PMP22: variants seen among roughly 807,000 people sequenced by gnomAD.
PMP22 encodes peripheral myelin protein 22, also known as Charcot-Marie-Tooth neuropathy 1A (greatly reduced nerve conduction velocity, hereditary motor sensory neuropathy Ia).
In PMP22, 2 loss-of-function variants were observed where a neutral mutation model predicts 18.9. The ratio of observed to expected loss-of-function variants is 0.11; its 90% confidence interval spans 0.04 to 0.33. The LOEUF (loss-of-function observed/expected upper bound fraction) is 0.33, where lower values mean the gene tolerates loss of function less well. Among genes scored for constraint, PMP22 ranks in the 10% least tolerant of loss-of-function variants. The probability of loss-of-function intolerance (pLI) is 1.00; values close to 1 mark genes in which losing one functional copy is unlikely to be tolerated. For missense variants in PMP22, 169 were observed against 202.2 expected (o/e 0.84, Z 1.00); for synonymous variants, 95 against 89.2 (o/e 1.07, Z -0.37).
chr17:15,259,246 G>A, intron 2 of PMP22, 53 bp from the exon 3 acceptor site: 2 of 1,425,562 alleles, frequency 1.4e-6, no homozygotes, highest in South Asian at 2.3e-5. Context: ...AGGAGTGAAG[G>A]AAAAGGGGAA....
intron 1 of PMP22, 29 bp from the exon 2 acceptor site, chr17:15,260,790 G>C (rs1909262726): frequency 2.1e-6 from 3 of 1,400,400 alleles, no homozygotes; most frequent in Non-Finnish European, 3.0e-6. Flanking sequence ...GCGTGAGGCC[G>C]AACGCACTGG....
chr17:15,236,846 C>G (rs1597604439), intron 4 of PMP22, among the ~76,000 whole-genome samples: 1 of 152,198 alleles, frequency 6.6e-6, no homozygotes, highest in East Asian at 1.9e-4. Flanking sequence ...ATTTCCAGTG[C>G]AACATCCTAG....
At chr17:15,235,921 T>C (rs997595163) in intron 4 of PMP22, among the ~76,000 whole-genome samples, 1 of 151,780 alleles carries the variant, frequency 6.6e-6, no homozygotes, top group African/African-American at 2.4e-5. Context: ...CGCCTGGCTA[T>C]TTTTTTATTT....
rs3744333 is a variant in PMP22 at position 15,239,438 on chromosome 17, G to A, written c.319+33C>T. ...CATTCCGCAGACTTGGATGCACCCCGCTTCCACATGGACTTTACCATCCAC... is the reference window on the plus strand; with the variant it reads ...CATTCCGCAGACTTGGATGCACCCCACTTCCACATGGACTTTACCATCCAC... On this transcript the variant is annotated intron_variant, in intron 4 of 4. Transcript: ENST00000312280. The A allele has an allele frequency of 0.083, 133,436 of 1,612,302 alleles. 6,389 individuals carry two copies. Among genetic ancestry groups the A allele is most frequent in the East Asian group, 0.16 (7,077 of 44,854 alleles).
At chr17:15,262,173 C>T (rs1009989928) in intron 1 of PMP22, among the ~76,000 whole-genome samples, 1 of 152,182 alleles carries the variant, frequency 6.6e-6, no homozygotes, top group Non-Finnish European at 1.5e-5. Context: ...AACTGGGCCG[C>T]CCTTATCCGC....
At chr17:15,240,053 T>C (rs1413215982) in intron 3 of PMP22, among the ~76,000 whole-genome samples, 1 of 152,222 alleles carries the variant, frequency 6.6e-6, no homozygotes, top group African/African-American at 2.4e-5. Flanking sequence ...ATATCTATAG[T>C]TCCATCACTA....
intron 3 of PMP22, among the ~76,000 whole-genome samples, chr17:15,254,874 G>T (rs1908693398): frequency 6.6e-6 from 1 of 152,194 alleles, no homozygotes; most frequent in Non-Finnish European, 1.5e-5. Context: ...CAGGAGAATT[G>T]CTTGAACCCG....
chr17:15,263,334 C>G (rs231017), intron 1 of PMP22, among the ~76,000 whole-genome samples: 88,870 of 151,828 alleles, frequency 0.59, 26,880 homozygotes, highest in African/African-American at 0.75. Flanking sequence ...TGGGGTTTGG[C>G]GGGCGGGTGC....
intron 3 of PMP22, among the ~76,000 whole-genome samples, chr17:15,249,234 G>A (rs1041665320): frequency 2.0e-5 from 3 of 152,086 alleles, no homozygotes; most frequent in Admixed American, 6.5e-5. Flanking sequence ...AGGATCCCTC[G>A]ATGCCACAAT....
At chr17:15,259,466 C>T (rs1909120063) in intron 2 of PMP22, among the ~76,000 whole-genome samples, 3 of 152,116 alleles carry the variant, frequency 2.0e-5, no homozygotes, top group Admixed American at 6.5e-5. Context: ...CAAGCCTTCT[C>T]TCCTCCCAGC....
intron 2 of PMP22, among the ~76,000 whole-genome samples, chr17:15,259,513 C>T (rs1004986432): frequency 1.3e-5 from 2 of 152,178 alleles, no homozygotes; most frequent in Non-Finnish European, 1.5e-5. Flanking sequence ...CTCTCTCAGT[C>T]TATTTCCTTG....
chr17:15,231,446 C>A (rs1007824652), intron 4 of PMP22, among the ~76,000 whole-genome samples: 3 of 152,166 alleles, frequency 2.0e-5, no homozygotes, highest in African/African-American at 7.2e-5. Context: ...GGTATGGAAA[C>A]CCCTGGAAAT....
chr17:15,235,313 T>C (rs1296810947), intron 4 of PMP22: 2 of 717,344 alleles, frequency 2.8e-6, no homozygotes, highest in Non-Finnish European at 5.2e-6. Context: ...TATCTAATCA[T>C]CCAACCAATA....
At chr17:15,245,837 T>G (rs1164242658) in intron 3 of PMP22, among the ~76,000 whole-genome samples, 1 of 151,238 alleles carries the variant, frequency 6.6e-6, no homozygotes, top group East Asian at 1.9e-4. Flanking sequence ...AAAACCCGTC[T>G]CTACTAAAAA....
intron 4 of PMP22, chr17:15,235,113 C>A (rs1385569477): frequency 1.5e-6 from 1 of 669,508 alleles, no homozygotes; most frequent in Admixed American, 2.2e-5. Context: ...CGCCACCACA[C>A]CTGGCCCAAA....
At chr17:15,250,909 C>T (rs1908285651) in intron 3 of PMP22, among the ~76,000 whole-genome samples, 1 of 152,156 alleles carries the variant, frequency 6.6e-6, no homozygotes, top group Non-Finnish European at 1.5e-5. Context: ...CTCACTGGTC[C>T]CCAGTTTCCA....
intron 3 of PMP22, among the ~76,000 whole-genome samples, chr17:15,251,340 CCT>C (rs1464301943): frequency 6.6e-6 from 1 of 152,070 alleles, no homozygotes; most frequent in African/African-American, 2.4e-5. Flanking sequence ...TTGTGTATTG[CCT>C]GTTTCCTCCA....
intron 3 of PMP22, among the ~76,000 whole-genome samples, chr17:15,239,971 CAT>C (rs1029365725): frequency 1.3e-5 from 2 of 152,040 alleles, no homozygotes; most frequent in African/African-American, 4.8e-5. Context: ...TGTATATACA[CAT>C]ATACAAATAC....
intron 3 of PMP22, among the ~76,000 whole-genome samples, chr17:15,254,409 C>T (rs957327073): frequency 3.9e-5 from 6 of 152,038 alleles, no homozygotes; most frequent in East Asian, 1.9e-4. Context: ...CTGAGGGACC[C>T]GTGACAATGC....
Sources: gnomAD v4.1 joint callset for allele counts (sites outside exome capture counted in the v4.1 genomes callset) on GRCh38, gnomAD v4.1.1 for gene constraint, MANE v1.5 for transcripts, NCBI Gene and HGNC (gene_info 2026-07-23, HGNC 2026-07-21) for gene names.